Variants in DNAH11 observed in about 807,000 individuals in gnomAD.
DNAH11 encodes axonemal beta dynein heavy chain 11.
DNAH11 carries 442 observed loss-of-function variants against 526.0 expected under a neutral mutation model. That is an observed-to-expected ratio of 0.84 (90% CI 0.78 to 0.91). DNAH11 has a LOEUF of 0.91. Ranked by LOEUF, DNAH11 falls within the 40% of genes least tolerant of loss-of-function variation. DNAH11 has a pLI of 0.00. For missense variants in DNAH11, 6,989 were observed against 5,448.7 expected (o/e 1.28, Z -8.90); for synonymous variants, 2,461 against 1,935.9 (o/e 1.27, Z -7.12).
intron 20 of DNAH11, among the ~76,000 whole-genome samples, chr7:21,610,104 A>G (rs966057268): frequency 6.6e-6 from 1 of 152,132 alleles, no homozygotes; most frequent in Non-Finnish European, 1.5e-5. Context: ...AATACAAAAA[A>G]TTAGCCGGGC....
At chr7:21,875,698 A>G (rs1231754094) in intron 74 of DNAH11, among the ~76,000 whole-genome samples, 6 of 152,042 alleles carry the variant, frequency 3.9e-5, no homozygotes, top group Non-Finnish European at 7.4e-5. Context: ...TGTTGCATAT[A>G]ATGATAAAGA....
At chr7:21,710,864 T>A (rs1784440364) in intron 41 of DNAH11, among the ~76,000 whole-genome samples, 161 bp downstream of exon 41, 1 of 152,226 alleles carries the variant, frequency 6.6e-6, no homozygotes, top group Non-Finnish European at 1.5e-5. Context: ...TTTTCTTAAT[T>A]TCACCATTAA....
At chr7:21,691,499 G>T (rs994086101) in intron 35 of DNAH11, among the ~76,000 whole-genome samples, 3 of 151,970 alleles carry the variant, frequency 2.0e-5, no homozygotes, top group Non-Finnish European at 4.4e-5. Flanking sequence ...TCTAGCCGCA[G>T]GGTCCCCTCC....
intron 55 of DNAH11, among the ~76,000 whole-genome samples, chr7:21,772,389 A>C (rs1314713368): frequency 6.9e-6 from 1 of 145,426 alleles, no homozygotes; most frequent in African/African-American, 2.6e-5. Context: ...AGGAGGTTAC[A>C]CTTGGCTGAG....
intron 9 of DNAH11, among the ~76,000 whole-genome samples, chr7:21,585,642 G>A (rs1307698105): frequency 1.3e-5 from 2 of 152,128 alleles, no homozygotes; most frequent in African/African-American, 2.4e-5. Flanking sequence ...ACCGAAGTGT[G>A]TAAAAAAAAT....
At position 21,739,680 on chromosome 7, in the gene DNAH11, T is replaced by G; in HGVS notation, c.7914+7T>G. 1 of 1,598,564 alleles carries G rather than the reference T, an allele frequency of 6.3e-7. No individual in the cohort carries two copies. The highest frequency in any genetic ancestry group is 8.6e-7 in the Non-Finnish European group (1 of 1,167,778). On this transcript the variant is annotated splice_region_variant and intron_variant, in intron 48 of 81. Coordinates refer to ENST00000409508, the MANE Select transcript of DNAH11 (RefSeq NM_001277115.2). Reference sequence around the variant, plus strand: ...CATCAATCCCAGGCTACAGGTAGGGTGTTGAATACTGCTCTCAAAAACTGT... The same window carrying G: ...CATCAATCCCAGGCTACAGGTAGGGGGTTGAATACTGCTCTCAAAAACTGT...
chr7:21,681,945 G>A lies in DNAH11; in HGVS notation c.5460+268G>A, dbSNP rs575110335. ...AAAATTTTATCACAGTGGAAGAACC[G>A]TGAGAAATCACTGTGTTCATCTCTC... is the stretch of plus-strand genomic sequence containing the variant. On this transcript the variant is annotated intron_variant, in intron 31 of 81. Transcript: ENST00000409508. 1.1e-3 allele frequency among the ~76,000 whole-genome samples: 173 copies of A among 152,254 alleles called. 1 individual carries two copies. Among genetic ancestry groups the A allele is most frequent in the African/African-American group, 2.9e-3 (122 of 41,558 alleles).
intron 17 of DNAH11, 74 bp downstream of exon 17, chr7:21,601,253 C>T (rs530713964): frequency 1.9e-5 from 29 of 1,494,952 alleles, no homozygotes; most frequent in Middle Eastern, 2.1e-4. Flanking sequence ...TACTTTTAAG[C>T]GTATTAATGT....
intron 81 of DNAH11, 79 bp downstream of exon 81, chr7:21,900,199 C>G: frequency 7.0e-7 from 1 of 1,419,128 alleles, no homozygotes; most frequent in Non-Finnish European, 9.4e-7. Flanking sequence ...CTTACTGTTT[C>G]TCAGCATCTC....
chr7:21,769,544 G>C (rs1439517121), intron 55 of DNAH11, among the ~76,000 whole-genome samples: 1 of 151,854 alleles, frequency 6.6e-6, no homozygotes, highest in Non-Finnish European at 1.5e-5. Flanking sequence ...GAGTGCAGTG[G>C]CATGATCTCG....
chr7:21,624,388 T>A (rs1455967962), intron 25 of DNAH11, among the ~76,000 whole-genome samples: 5 of 152,212 alleles, frequency 3.3e-5, no homozygotes, highest in Non-Finnish European at 7.3e-5. Flanking sequence ...AAAAGAATGC[T>A]GATTTTTGTG....
intron 14 of DNAH11, among the ~76,000 whole-genome samples, chr7:21,595,702 A>C (rs1784835903): frequency 6.6e-6 from 1 of 152,138 alleles, no homozygotes; most frequent in South Asian, 2.1e-4. Flanking sequence ...TATTGGATTT[A>C]CTCATTTAGA....
chr7:21,656,941 A>G (rs1034324383), intron 29 of DNAH11, among the ~76,000 whole-genome samples: 2 of 152,158 alleles, frequency 1.3e-5, no homozygotes, highest in Non-Finnish European at 1.5e-5. Flanking sequence ...TCTCTTGACA[A>G]AAGTGTGTTG....
chr7:21,561,831 C>T lies in DNAH11; in HGVS notation c.982+661C>T, dbSNP rs564764801. On this transcript the variant is annotated intron_variant, in intron 5 of 81. Transcript: ENST00000409508. ...CATTTAGTTATGGATATACATGATACTGTGGTTTTAAATAATAAAATAGAT... is the reference window on the plus strand; with the variant it reads ...CATTTAGTTATGGATATACATGATATTGTGGTTTTAAATAATAAAATAGAT... 5.2e-4 allele frequency among the ~76,000 whole-genome samples: 79 copies of T among 152,264 alleles called. 2 individuals carry two copies. The South Asian group carries it at 0.015, about 30-fold the overall frequency.
Position 21,848,166 on chromosome 7 carries a change from C to CAA in DNAH11, c.10897-4285_10897-4284dup, listed in dbSNP as rs58058317. On this transcript the variant is annotated intron_variant, in intron 66 of 81. Transcript: ENST00000409508. ...TGGGTGATAGAGCGAGACTCTGTTT[C>CAA]AAAAAAAAAAAAAAAAAGATTATTA... is the stretch of plus-strand genomic sequence containing the variant. Among the ~76,000 whole-genome samples the CAA allele has an allele frequency of 1.1e-3, 95 of 89,008 alleles. 2 individuals carry two copies. The East Asian group carries it at 0.019, about 18-fold the overall frequency. The allele number at this position is 89,008 out of a possible 152,430, so 58.4% of individuals were successfully genotyped here. A position where few individuals can be genotyped will look rare whatever the true frequency, so the allele number is the denominator to read the frequency against.
At chr7:21,861,501 T>C (rs1228904388) in intron 68 of DNAH11, among the ~76,000 whole-genome samples, 1 of 152,254 alleles carries the variant, frequency 6.6e-6, no homozygotes, top group Non-Finnish European at 1.5e-5. Context: ...CTGAACTGAA[T>C]GTATGTACAC....
intron 20 of DNAH11, among the ~76,000 whole-genome samples, chr7:21,610,902 T>G (rs916514192): frequency 3.9e-5 from 6 of 152,254 alleles, no homozygotes; most frequent in African/African-American, 1.4e-4. Flanking sequence ...CTATTCATAC[T>G]TCCTGGAAGA....
chr7:21,780,231 T>G (rs1303366918), intron 57 of DNAH11, among the ~76,000 whole-genome samples: 2 of 152,102 alleles, frequency 1.3e-5, no homozygotes, highest in Non-Finnish European at 2.9e-5. Context: ...CTGTTGAGTT[T>G]CAGATAAGTG....
intron 54 of DNAH11, among the ~76,000 whole-genome samples, chr7:21,759,768 A>C (rs1786814689): frequency 6.6e-6 from 1 of 152,234 alleles, no homozygotes. Flanking sequence ...ATATACAAAT[A>C]AATATGTACT....
Sources: allele counts gnomAD v4.1 joint callset (sites outside exome capture counted in the v4.1 genomes callset), GRCh38; gene constraint gnomAD v4.1.1; transcripts MANE v1.5; gene names NCBI Gene and HGNC (gene_info 2026-07-23, HGNC 2026-07-21).